Variants in PHLDB1 observed in about 807,000 individuals in gnomAD.
PHLDB1 encodes pleckstrin homology like domain family B member 1.
PHLDB1 carries 65 observed loss-of-function variants against 139.3 expected under a neutral mutation model. That is an observed-to-expected ratio of 0.47 (90% CI 0.38 to 0.57). The LOEUF (loss-of-function observed/expected upper bound fraction) is 0.57, where lower values mean the gene tolerates loss of function less well. Ranked by LOEUF, PHLDB1 falls within the 20% of genes least tolerant of loss-of-function variation. The probability of loss-of-function intolerance (pLI) is 0.00; values close to 1 mark genes in which losing one functional copy is unlikely to be tolerated. For synonymous variants in PHLDB1, 679 were observed against 734.5 expected (o/e 0.92, Z 1.22); for missense variants, 1,624 against 1,839.7 (o/e 0.88, Z 2.14).
In PHLDB1 at chr11:118,608,503, G is replaced by A. The variant is rs117793913; in HGVS notation, c.-22+804G>A. 1.8e-3 allele frequency among the ~76,000 whole-genome samples: 272 copies of A among 152,282 alleles called. 7 individuals carry two copies. In the East Asian group the frequency reaches 0.04, roughly 22 times the overall value. ...GCCCGCTAGCGCTTCCGCCGAGGCA[G>A]GCTCGAGTGGGGACTTGGCCGGGCG... On this transcript the variant is annotated intron_variant, in intron 1 of 22. Coordinates refer to ENST00000600882, the MANE Select transcript of PHLDB1 (RefSeq NM_001144758.3). The surrounding 1 kb of genome is among the most constrained non-coding windows in gnomAD (Gnocchi z 6.7).
intron 5 of PHLDB1, among the ~76,000 whole-genome samples, chr11:118,625,950 C>A (rs1480912797): frequency 6.6e-6 from 1 of 152,212 alleles, no homozygotes; most frequent in Admixed American, 6.5e-5. Context: ...TCCCAGTCTA[C>A]TCCCTAGTTA....
rs782546261 is a variant in PHLDB1 at position 118,657,002 on chromosome 11, T to C, written c.*179T>C. Reference sequence around the variant, plus strand: ...GGAGCCCAGAACTTGCAGTAACCCTTTAGGGTCCTGCCCCAGGCCCAGCCA... The same window carrying C: ...GGAGCCCAGAACTTGCAGTAACCCTCTAGGGTCCTGCCCCAGGCCCAGCCA... On this transcript the variant is annotated 3_prime_UTR_variant, in exon 23 of 23. Transcript: ENST00000600882. 24 of 566,916 alleles carry C rather than the reference T, an allele frequency of 4.2e-5. No homozygotes were observed. Among genetic ancestry groups the C allele is most frequent in the Non-Finnish European group, 6.2e-5 (20 of 323,510 alleles). The allele number at this position is 566,916 out of a possible 1,614,324, so 35.1% of individuals were successfully genotyped here.
At chr11:118,639,471 A>ATT in intron 12 of PHLDB1, 1 of 510,836 alleles carries the variant, frequency 2.0e-6, no homozygotes, top group Non-Finnish European at 3.6e-6. Context: ...GAGCCTACAG[A>ATT]TTTCACTGTT....
intron 17 of PHLDB1, 50 bp from the exon 18 acceptor site, chr11:118,647,880 T>TG (rs1274980809): frequency 3.3e-6 from 5 of 1,535,580 alleles, no homozygotes; most frequent in Non-Finnish European, 3.5e-6. Context: ...AGAGGGCCAG[T>TG]GGGGGGAAGA....
At chr11:118,614,715 C>A (rs1941230983) in intron 3 of PHLDB1, 33 bp downstream of exon 3, 2 of 1,608,818 alleles carry the variant, frequency 1.2e-6, no homozygotes, top group Non-Finnish European at 1.7e-6. Flanking sequence ...ACTCACCACC[C>A]CTCTATCCTT....
Position 118,610,393 on chromosome 11 carries a change from C to T in PHLDB1, c.-22+2694C>T. 2 of 954,608 alleles carry T rather than the reference C, an allele frequency of 2.1e-6. No homozygotes were observed. The highest frequency in any genetic ancestry group is 2.5e-6 in the Non-Finnish European group (2 of 801,662). 59.1% of individuals were successfully genotyped at this position (954,608 alleles called of 1,614,324 possible). A position where few individuals can be genotyped will look rare whatever the true frequency, so the allele number is the denominator to read the frequency against. ...TCCTGACTCCTTCCTCTGACGGCGG[C>T]CCTTTCTCGAGGGCGGATGTGCGCC... On this transcript the variant is annotated intron_variant, in intron 1 of 22. Coordinates refer to ENST00000600882, the MANE Select transcript of PHLDB1 (RefSeq NM_001144758.3). The surrounding 1 kb of genome is among the most constrained non-coding windows in gnomAD (Gnocchi z 8.7).
chr11:118,623,857 C>G (rs1457749734), intron 4 of PHLDB1, among the ~76,000 whole-genome samples: 1 of 147,796 alleles, frequency 6.8e-6, no homozygotes, highest in Non-Finnish European at 1.5e-5. Flanking sequence ...ACAGGTGTGT[C>G]TGTGTTCTCT....
At chr11:118,614,734 T>G (rs1555087433) in intron 3 of PHLDB1, 52 bp downstream of exon 3, 1 of 1,586,216 alleles carries the variant, frequency 6.3e-7, no homozygotes, top group Non-Finnish European at 8.6e-7. Context: ...TTATAGGCAT[T>G]CCTGCCCTGG....
At chr11:118,606,475 C>A (rs1939308900), upstream of PHLDB1, 1 of 152,258 alleles carries the variant, frequency 6.6e-6, no homozygotes, top group African/African-American at 2.4e-5. Flanking sequence ...ACTTGTCCAT[C>A]TCAAAGAGGA....
intron 17 of PHLDB1, chr11:118,647,466 C>T (rs1262909592): frequency 6.5e-6 from 1 of 154,130 alleles, no homozygotes; most frequent in Non-Finnish European, 1.4e-5. Flanking sequence ...GTAATTCCAG[C>T]ACTTTGGGAG....
rs781835606 is a variant in PHLDB1 at position 118,628,515 on chromosome 11, C to T, written c.1692C>T (p.Ser564=). ...QSPCVQRKLS[S]GDLRVPVTRE... is the part of the protein sequence containing the mutation. Reference sequence around the variant, plus strand: ...CCTGTGTCCAGAGGAAGCTCTCCAGCGGGGACTTGCGGGTGCCTGTCACAA... The same window carrying T: ...CCTGTGTCCAGAGGAAGCTCTCCAGTGGGGACTTGCGGGTGCCTGTCACAA... The change falls in exon 6 of 23, where the codon AGC becomes AGT. Residue 564 remains serine, a synonymous_variant. Transcript: ENST00000600882. 1.1e-5 allele frequency: 17 copies of T among 1,613,122 alleles called. No individual in the cohort carries two copies. The highest frequency in any genetic ancestry group is 6.7e-5 in the Admixed American group (4 of 60,014).
At chr11:118,629,782 G>A (rs969730046) in intron 6 of PHLDB1, among the ~76,000 whole-genome samples, 1 of 152,150 alleles carries the variant, frequency 6.6e-6, no homozygotes, top group African/African-American at 2.4e-5. Context: ...CTGGAGAGGG[G>A]GCAGTGAGCC....
chr11:118,639,826 G>A (rs887820382), intron 12 of PHLDB1: 18 of 986,794 alleles, frequency 1.8e-5, no homozygotes, highest in Non-Finnish European at 2.0e-5. Flanking sequence ...CCAAGTGTGA[G>A]GGATGCAGCC....
At chr11:118,644,374 G>A in intron 15 of PHLDB1, 200 bp downstream of exon 15, 1 of 585,180 alleles carries the variant, frequency 1.7e-6, no homozygotes, top group Non-Finnish European at 3.0e-6. Flanking sequence ...GAGACTAAGG[G>A]CTTAGGGGGC....
chr11:118,616,200 G>A lies in PHLDB1; in HGVS notation c.344G>A (p.Arg115Gln), dbSNP rs782655710. 1.3e-5 allele frequency: 21 copies of A among 1,613,644 alleles called. No homozygotes were observed. The highest frequency in any genetic ancestry group is 2.2e-5 in the East Asian group (1 of 44,894). The stretch of plus-strand genomic sequence containing the variant: ...GGGCTCCCTGTCCGGCAGCCTACCC[G>A]GCTCACTCAGGGTAAGGCTGGACAC... ...IDGLPVRQPT[R>Q]LTQGCMLCLG... Residue 115 changes from arginine (R) to glutamine (Q), a missense_variant, in exon 4 of 23, where the codon CGG becomes CAG. Transcript: ENST00000600882.
In PHLDB1 at chr11:118,648,087, A is replaced by G. The variant is rs782059876; in HGVS notation, c.3654+11A>G. 1.4e-5 allele frequency: 22 copies of G among 1,612,094 alleles called. No individual in the cohort carries two copies. Among genetic ancestry groups the G allele is most frequent in the Non-Finnish European group, 1.9e-5 (22 of 1,178,758 alleles). On this transcript the variant is annotated intron_variant, in intron 18 of 22. Transcript: ENST00000600882. ...AAACAATTTTCCCAGGTGAATGGGC[A>G]GTGGGGCACAGTGGTGGTTGGTTTG...
chr11:118,630,819 C>G (rs1318301434), intron 6 of PHLDB1, among the ~76,000 whole-genome samples: 1 of 151,754 alleles, frequency 6.6e-6, no homozygotes, highest in East Asian at 2.0e-4. Context: ...TCATTGTGGT[C>G]TGTAGTCTGC....
rs372171283 is a variant in PHLDB1 at position 118,607,970 on chromosome 11, C to T, written c.-22+271C>T. On this transcript the variant is annotated intron_variant, in intron 1 of 22. Coordinates refer to ENST00000600882, the MANE Select transcript of PHLDB1 (RefSeq NM_001144758.3). ...AGAGGGGGCCGTGACGCTCTCCCCC[C>T]CTTGGAGAAACTCTGATCCTGGCCC... Among the ~76,000 whole-genome samples the T allele has an allele frequency of 3.0e-3, 460 of 152,198 alleles. 1 individual carries two copies. The highest frequency in any genetic ancestry group is 2.8e-3 in the Non-Finnish European group (192 of 67,968).
chr11:118,628,265 A>G lies in PHLDB1; in HGVS notation c.1442A>G (p.Lys481Arg), dbSNP rs781984819. ...PLPTRTTPDPKLNREVAESPR... is the reference protein window; with the variant it reads ...PLPTRTTPDPRLNREVAESPR... ...CCCACCCGGACCACCCCAGATCCCAAGCTAAACAGGGAAGTGGCAGAGAGT... is the reference window on the plus strand; with the variant it reads ...CCCACCCGGACCACCCCAGATCCCAGGCTAAACAGGGAAGTGGCAGAGAGT... Residue 481 changes from lysine to arginine, a missense_variant, in exon 6 of 23, where the codon AAG (lysine) becomes AGG (arginine). Transcript: ENST00000600882. The G allele has an allele frequency of 4.3e-6, 7 of 1,613,756 alleles. No homozygotes were observed. In the Admixed American group the frequency reaches 1.0e-4, roughly 23 times the overall value.
Sources: gnomAD v4.1 joint callset for allele counts (sites outside exome capture counted in the v4.1 genomes callset) on GRCh38, gnomAD v4.1.1 for gene constraint, Gnocchi (gnomAD v3.1) non-coding constraint, MANE v1.5 for transcripts, NCBI Gene and HGNC (gene_info 2026-07-23, HGNC 2026-07-21) for gene names.